Variants in KCNMA1 observed in about 807,000 individuals in gnomAD.
KCNMA1 encodes the protein Calcium-activated potassium channel subunit alpha-1.
A neutral mutation model predicts 140.0 loss-of-function variants in KCNMA1; 29 were observed. The observed-to-expected ratio is 0.21, with a 90% CI of 0.15 to 0.28. KCNMA1 has a LOEUF of 0.28. Among genes scored for constraint, KCNMA1 ranks in the 10% least tolerant of loss-of-function variants. The probability of loss-of-function intolerance (pLI) is 1.00; values close to 1 mark genes in which losing one functional copy is unlikely to be tolerated. For synonymous variants in KCNMA1, 612 were observed against 611.9 expected (o/e 1.00, Z 0.00); for missense variants, 880 against 1,602.2 (o/e 0.55, Z 7.70).
chr10:77,096,357 C>T (rs983441440), intron 9 of KCNMA1, among the ~76,000 whole-genome samples: 1 of 152,156 alleles, frequency 6.6e-6, no homozygotes, highest in African/African-American at 2.4e-5. Context: ...AGTTCTCTGT[C>T]CGACCTTAGT....
intron 1 of KCNMA1, among the ~76,000 whole-genome samples, chr10:77,452,701 C>T (rs1304867637): frequency 3.3e-5 from 5 of 152,180 alleles, no homozygotes; most frequent in Non-Finnish European, 7.3e-5. Context: ...TCTCTAAATA[C>T]CCTTCTAAAA....
intron 23 of KCNMA1, among the ~76,000 whole-genome samples, chr10:76,931,433 A>G (rs951505850): frequency 6.6e-6 from 1 of 151,922 alleles, no homozygotes; most frequent in Non-Finnish European, 1.5e-5. Flanking sequence ...TAGCTATTTA[A>G]AGGGGTAGGT....
intron 1 of KCNMA1, among the ~76,000 whole-genome samples, chr10:77,558,647 A>G (rs950640897): frequency 2.6e-5 from 4 of 152,204 alleles, no homozygotes; most frequent in African/African-American, 9.7e-5. Flanking sequence ...CCCAGGATAG[A>G]TAACACAGAT....
At chr10:77,506,069 T>C (rs1188592137) in intron 1 of KCNMA1, among the ~76,000 whole-genome samples, 1 of 152,222 alleles carries the variant, frequency 6.6e-6, no homozygotes, top group Non-Finnish European at 1.5e-5. Context: ...TCTCATTTCC[T>C]CTTAGGGAAT....
intron 25 of KCNMA1, among the ~76,000 whole-genome samples, chr10:76,895,961 G>A (rs143353325): frequency 1.6e-3 from 237 of 152,294 alleles, no homozygotes; most frequent in African/African-American, 5.5e-3. Context: ...AGGTCAGGGC[G>A]AGATCACAAG....
At chr10:77,481,881 C>T (rs564695729) in intron 1 of KCNMA1, among the ~76,000 whole-genome samples, 1 of 152,032 alleles carries the variant, frequency 6.6e-6, no homozygotes, top group African/African-American at 2.4e-5. Flanking sequence ...CATTATTATC[C>T]CCATTTTACA....
chr10:76,873,866 A>C (rs1340047727), downstream of KCNMA1: 1 of 152,228 alleles, frequency 6.6e-6, no homozygotes, highest in African/African-American at 2.4e-5. Flanking sequence ...TTTATTAATG[A>C]AAGAAAATAA....
At position 77,066,553 on chromosome 10, in the gene KCNMA1, G is replaced by A. The variant is rs149806628; in HGVS notation, c.1749+6544C>T. ...CAAATGTAGGTGTTGAGCAGCAGTT[G>A]AATCGGTGACGCCGGGTTCAGGGGA... On this transcript the variant is annotated intron_variant, in intron 14 of 27. Coordinates refer to ENST00000286628, the MANE Select transcript of KCNMA1 (RefSeq NM_001161352.2). Among the ~76,000 whole-genome samples the A allele has an allele frequency of 5.9e-5, 9 of 152,298 alleles. No individual in the cohort carries two copies. In the East Asian group the frequency reaches 1.5e-3, roughly 26 times the overall value.
At chr10:77,336,527 T>C (rs536254321) in intron 2 of KCNMA1, among the ~76,000 whole-genome samples, 3 of 152,000 alleles carry the variant, frequency 2.0e-5, no homozygotes, top group Admixed American at 6.5e-5. Context: ...AGTATTTAAA[T>C]TGAATGTCTG....
intron 19 of KCNMA1, among the ~76,000 whole-genome samples, chr10:76,973,745 T>C (rs987144112): frequency 2.0e-5 from 3 of 152,176 alleles, no homozygotes; most frequent in African/African-American, 7.2e-5. Flanking sequence ...TCAAAATGAT[T>C]ACATATTTCA....
chr10:76,935,171 G>T (rs2060229925), intron 23 of KCNMA1, among the ~76,000 whole-genome samples: 1 of 152,236 alleles, frequency 6.6e-6, no homozygotes, highest in African/African-American at 2.4e-5. Flanking sequence ...TGTTGGAACA[G>T]CTAGGGTCAA....
chr10:77,138,061 CCATT>C (rs567715311), intron 5 of KCNMA1, among the ~76,000 whole-genome samples: 3 of 152,178 alleles, frequency 2.0e-5, no homozygotes, highest in African/African-American at 4.8e-5. Flanking sequence ...GGATTGTCGC[CCATT>C]CATTCATTCA....
At chr10:77,344,556 C>G (rs956878134) in intron 2 of KCNMA1, among the ~76,000 whole-genome samples, 4 of 151,906 alleles carry the variant, frequency 2.6e-5, no homozygotes, top group Non-Finnish European at 4.4e-5. Flanking sequence ...CTGCTTGCCT[C>G]TCTTGGAAAC....
intron 1 of KCNMA1, among the ~76,000 whole-genome samples, chr10:77,472,926 A>G (rs1283622209): frequency 6.6e-6 from 1 of 152,154 alleles, no homozygotes; most frequent in African/African-American, 2.4e-5. Context: ...TCTGACATTC[A>G]TGGTGGGCTC....
At chr10:77,562,003 C>T (rs987546705) in intron 1 of KCNMA1, among the ~76,000 whole-genome samples, 3 of 152,200 alleles carry the variant, frequency 2.0e-5, no homozygotes, top group Non-Finnish European at 4.4e-5. Flanking sequence ...GAAACCAAGG[C>T]TGCTATGCAA....
At chr10:77,491,391 C>T (rs1444120506) in intron 1 of KCNMA1, among the ~76,000 whole-genome samples, 1 of 152,070 alleles carries the variant, frequency 6.6e-6, no homozygotes, top group African/African-American at 2.4e-5. Flanking sequence ...GTTCCATGGC[C>T]CAGTTTCCCC....
At chr10:77,340,114 C>T (rs1376950760) in intron 2 of KCNMA1, among the ~76,000 whole-genome samples, 1 of 152,184 alleles carries the variant, frequency 6.6e-6, no homozygotes, top group Non-Finnish European at 1.5e-5. Flanking sequence ...TGAAAAAATG[C>T]TCATCATCAC....
intron 29 of KCNMA1, chr10:76,877,903 A>G (rs1373795030): frequency 6.2e-7 from 1 of 1,606,006 alleles, no homozygotes; most frequent in Admixed American, 1.7e-5. Flanking sequence ...GCTAAAGGGC[A>G]AAATGGATAG....
chr10:77,592,435 A>C (rs2670118), intron 1 of KCNMA1, among the ~76,000 whole-genome samples: 112,217 of 152,014 alleles, frequency 0.74, 42,869 homozygotes, highest in Non-Finnish European at 0.86. Context: ...CCAACATGAA[A>C]CTTGTTCTTT....
Sources: gnomAD v4.1 joint callset for allele counts (sites outside exome capture counted in the v4.1 genomes callset) on GRCh38, gnomAD v4.1.1 for gene constraint, MANE v1.5 for transcripts, NCBI Gene and HGNC (gene_info 2026-07-23, HGNC 2026-07-21) for gene names.